The following CAMK2D variants were observed in gnomAD, a reference collection of about 807,000 sequenced individuals.
CAMK2D encodes calcium/calmodulin dependent protein kinase II delta.
In CAMK2D, 37 loss-of-function variants were observed where a neutral mutation model predicts 84.0. That is an observed-to-expected ratio of 0.44 (90% CI 0.34 to 0.58). The LOEUF (loss-of-function observed/expected upper bound fraction) is 0.58. CAMK2D is among the 20% of genes least tolerant of loss of function. The probability of loss-of-function intolerance (pLI) is 0.02; values close to 1 mark genes in which losing one functional copy is unlikely to be tolerated. For synonymous variants in CAMK2D, 202 were observed against 212.5 expected, an observed-to-expected ratio of 0.95 and a Z score of 0.43; for missense variants, 448 against 652.5, an observed-to-expected ratio of 0.69 and a Z score of 3.41.
chr4:113,705,183 C>T (rs865904562), intron 2 of CAMK2D, among the ~76,000 whole-genome samples: 2 of 151,074 alleles, frequency 1.3e-5, no homozygotes, highest in African/African-American at 2.4e-5. Context: ...AAAAATTAGC[C>T]GGGCGTGGAG....
chr4:113,523,616 T>TA (rs1482392959), intron 8 of CAMK2D, among the ~76,000 whole-genome samples: 2 of 151,540 alleles, frequency 1.3e-5, no homozygotes, highest in African/African-American at 4.9e-5. Flanking sequence ...CTACAAAAAG[T>TA]AAAAAATTAG....
intron 3 of CAMK2D, among the ~76,000 whole-genome samples, chr4:113,614,294 T>C (rs1008842143): frequency 5.9e-5 from 9 of 152,226 alleles, no homozygotes; most frequent in African/African-American, 2.2e-4. Context: ...TCTGTTCCTC[T>C]TCACTAAAAT....
intron 5 of CAMK2D, chr4:113,548,675 T>A (rs1250046263): frequency 6.4e-7 from 1 of 1,564,856 alleles, no homozygotes; most frequent in Non-Finnish European, 8.8e-7. Context: ...CCCTGTGAAC[T>A]ATGCCATTTA....
chr4:113,523,438 CAT>C (rs550172982), intron 8 of CAMK2D, among the ~76,000 whole-genome samples: 45 of 151,866 alleles, frequency 3.0e-4, no homozygotes, highest in South Asian at 1.5e-3. Flanking sequence ...AATTTAAACA[CAT>C]GACATTAAAT....
chr4:113,669,136 A>G (rs542368964), intron 2 of CAMK2D, among the ~76,000 whole-genome samples: 64 of 152,344 alleles, frequency 4.2e-4, no homozygotes, highest in African/African-American at 1.5e-3. Context: ...ATGAAAATGT[A>G]AAGCAAAATC....
chr4:113,741,280 T>C (rs2099592212), intron 2 of CAMK2D, among the ~76,000 whole-genome samples: 1 of 152,184 alleles, frequency 6.6e-6, no homozygotes, highest in Non-Finnish European at 1.5e-5. Context: ...TGCTAAGATC[T>C]ATGGTAAGAA....
intron 2 of CAMK2D, among the ~76,000 whole-genome samples, chr4:113,696,070 A>G (rs973554790): frequency 2.6e-5 from 4 of 151,992 alleles, no homozygotes; most frequent in African/African-American, 7.2e-5. Flanking sequence ...AGATATCCAC[A>G]TGGCTATTCC....
intron 2 of CAMK2D, among the ~76,000 whole-genome samples, chr4:113,736,431 C>T (rs1392431733): frequency 2.6e-5 from 4 of 152,154 alleles, no homozygotes; most frequent in Admixed American, 2.0e-4. Context: ...AGGCAACTTA[C>T]TACAAAAGTT....
At chr4:113,606,272 C>T (rs1469926859) in intron 4 of CAMK2D, among the ~76,000 whole-genome samples, 1 of 152,024 alleles carries the variant, frequency 6.6e-6, no homozygotes, top group African/African-American at 2.4e-5. Flanking sequence ...AGTTGGAGAC[C>T]AGCCTGACCA....
chr4:113,644,799 A>G (rs2099144801), intron 3 of CAMK2D, among the ~76,000 whole-genome samples: 2 of 152,166 alleles, frequency 1.3e-5, no homozygotes, highest in South Asian at 4.1e-4. Flanking sequence ...GAATCTACAA[A>G]GTGGCCGGGA....
intron 3 of CAMK2D, among the ~76,000 whole-genome samples, chr4:113,651,020 G>A (rs2099170476): frequency 6.6e-6 from 1 of 152,122 alleles, no homozygotes; most frequent in Admixed American, 6.5e-5. Context: ...ACTAAAAACT[G>A]AAAGTAATCT....
intron 2 of CAMK2D, among the ~76,000 whole-genome samples, chr4:113,669,276 G>A (rs988179204): frequency 6.6e-6 from 1 of 152,084 alleles, no homozygotes; most frequent in Non-Finnish European, 1.5e-5. Flanking sequence ...TTTATTTAAT[G>A]TCTGATTATA....
chr4:113,485,027 G>A (rs987406040), intron 16 of CAMK2D, among the ~76,000 whole-genome samples: 1 of 152,138 alleles, frequency 6.6e-6, no homozygotes. Flanking sequence ...TCCCCACGTG[G>A]TTCAGTGCAG....
In CAMK2D at chr4:113,535,365, G is replaced by A. The variant is rs934838525; in HGVS notation, c.517+1976C>T. On this transcript the variant is annotated intron_variant, in intron 7 of 20. Transcript: ENST00000511664. ...TGCTCCTACACCCTCCCTAGTCAACGCTATCATCATGCATAATTTGAACGA... is the reference window on the plus strand; with the variant it reads ...TGCTCCTACACCCTCCCTAGTCAACACTATCATCATGCATAATTTGAACGA... Among the ~76,000 whole-genome samples, 24 of 152,168 alleles carry A rather than the reference G, an allele frequency of 1.6e-4. 1 individual carries two copies. In the South Asian group the frequency reaches 2.5e-3, roughly 16 times the overall value.
chr4:113,735,288 GGAAAAAAAAAAAAAAAA>G (rs2099578463), intron 2 of CAMK2D, among the ~76,000 whole-genome samples: 3 of 59,002 alleles, frequency 5.1e-5, no homozygotes, highest in South Asian at 7.4e-4. Context: ...CATCTCTACA[GGAAAAAAAAAAAAAAAA>G]AAAAAAAAAA....
At chr4:113,579,690 C>T (rs1167824456) in intron 4 of CAMK2D, among the ~76,000 whole-genome samples, 1 of 152,192 alleles carries the variant, frequency 6.6e-6, no homozygotes, top group Admixed American at 6.5e-5. Context: ...GCTTCTTGTA[C>T]AGTCTACAAA....
chr4:113,592,376 C>T (rs1345791462), intron 4 of CAMK2D, among the ~76,000 whole-genome samples: 2 of 152,172 alleles, frequency 1.3e-5, no homozygotes, highest in East Asian at 3.8e-4. Flanking sequence ...ACTGACAGTC[C>T]ACAGATATTG....
chr4:113,546,994 T>C (rs933787674), intron 6 of CAMK2D, among the ~76,000 whole-genome samples: 1 of 152,186 alleles, frequency 6.6e-6, no homozygotes, highest in Non-Finnish European at 1.5e-5. Flanking sequence ...GGGATATCCA[T>C]ATATATTTGC....
chr4:113,592,157 G>A (rs1293025286), intron 4 of CAMK2D, among the ~76,000 whole-genome samples: 1 of 152,168 alleles, frequency 6.6e-6, no homozygotes, highest in Admixed American at 6.6e-5. Context: ...AGCAGAACCT[G>A]CCAAGTTTGG....
Sources: gnomAD v4.1 joint callset for allele counts (sites outside exome capture counted in the v4.1 genomes callset) on GRCh38, gnomAD v4.1.1 for gene constraint, MANE v1.5 for transcripts, NCBI Gene and HGNC (gene_info 2026-07-23, HGNC 2026-07-21) for gene names.